TG: variants seen among roughly 807,000 people sequenced by gnomAD.
TG encodes thyroid hormones.
A neutral mutation model predicts 324.7 loss-of-function variants in TG; 270 were observed. That is an observed-to-expected ratio of 0.83 (90% CI 0.75 to 0.92). The LOEUF (loss-of-function observed/expected upper bound fraction) is 0.92. Among genes scored for constraint, TG ranks in the 40% least tolerant of loss-of-function variants. The probability of loss-of-function intolerance (pLI) is 0.00; values close to 1 mark genes in which losing one functional copy is unlikely to be tolerated. For synonymous variants in TG, 1,401 were observed against 1,327.0 expected (o/e 1.06, Z -1.21); for missense variants, 3,591 against 3,456.4 (o/e 1.04, Z -0.98).
chr8:132,885,132 G>GC (rs1815210747), intron 8 of TG, among the ~76,000 whole-genome samples: 1 of 150,384 alleles, frequency 6.6e-6, no homozygotes, highest in Admixed American at 6.6e-5. Flanking sequence ...TAAAAGTTGG[G>GC]GGGGGGGCGT....
At chr8:133,040,482 T>C in intron 41 of TG, 1 of 271,140 alleles carries the variant, frequency 3.7e-6, no homozygotes, top group South Asian at 4.9e-5. Flanking sequence ...ATGAAAGAAA[T>C]GAAGCAACAA....
chr8:133,032,120 T>TG (rs1836697762), intron 41 of TG, among the ~76,000 whole-genome samples: 1 of 152,162 alleles, frequency 6.6e-6, no homozygotes. Context: ...ATAATTATTT[T>TG]GGGGCAGCAA....
At chr8:132,885,287 G>T (rs754274626) in intron 8 of TG, among the ~76,000 whole-genome samples, 3 of 152,106 alleles carry the variant, frequency 2.0e-5, no homozygotes, top group African/African-American at 7.2e-5. Context: ...AGGATGTTCA[G>T]ATAGAATGAC....
chr8:133,125,630 C>T (rs1371083327), intron 45 of TG, among the ~76,000 whole-genome samples: 1 of 152,202 alleles, frequency 6.6e-6, no homozygotes, highest in Non-Finnish European at 1.5e-5. Context: ...GGAGCTGTAG[C>T]CACTTCAGAG....
chr8:132,966,816 C>A, intron 30 of TG, 119 bp downstream of exon 30: 1 of 1,205,182 alleles, frequency 8.3e-7, no homozygotes, highest in Non-Finnish European at 1.2e-6. Flanking sequence ...ACTCATGGAT[C>A]ACTGTGGATG....
chr8:133,054,929 C>G (rs941116065), intron 41 of TG, among the ~76,000 whole-genome samples: 1 of 152,140 alleles, frequency 6.6e-6, no homozygotes, highest in Non-Finnish European at 1.5e-5. Context: ...TCAGTCACTC[C>G]CACTTATAAC....
chr8:132,869,880 T>G, intron 3 of TG, 54 bp downstream of exon 3: 1 of 1,533,478 alleles, frequency 6.5e-7, no homozygotes, highest in Non-Finnish European at 9.0e-7. Context: ...ACAACTCACT[T>G]CCAGGAATGA....
At chr8:132,915,728 T>C (rs185598248) in intron 20 of TG, among the ~76,000 whole-genome samples, 1 of 152,312 alleles carries the variant, frequency 6.6e-6, no homozygotes, top group East Asian at 1.9e-4. Flanking sequence ...TAATAAAACT[T>C]TATTTACCAC....
intron 26 of TG, among the ~76,000 whole-genome samples, chr8:132,946,118 C>A (rs77806107): frequency 0.018 from 2,791 of 152,090 alleles, 84 homozygotes; most frequent in African/African-American, 0.061. Context: ...AACAACATAA[C>A]TCAAATCCAG....
At chr8:132,907,783 G>A (rs940125316) in intron 17 of TG, among the ~76,000 whole-genome samples, 10 of 152,176 alleles carry the variant, frequency 6.6e-5, no homozygotes, top group Non-Finnish European at 1.5e-4. Context: ...ACAGGCTGCT[G>A]TGCATGATTG....
In TG at chr8:133,099,150, C is replaced by G. The variant is rs1848868361; in HGVS notation, c.7572+2777C>G. 2.0e-5 allele frequency among the ~76,000 whole-genome samples: 3 copies of G among 152,232 alleles called. 1 individual carries two copies. In the South Asian group the frequency reaches 6.2e-4, roughly 31 times the overall value. ...AAGCCAGCATTGAAGTTGGGCACCC[C>G]CAAATAGAGAAGCCTCTCTAAGGGC... On this transcript the variant is annotated intron_variant, in intron 43 of 47. Coordinates refer to ENST00000220616, the MANE Select transcript of TG (RefSeq NM_003235.5).
chr8:133,100,508 G>A (rs1314970851), intron 43 of TG, among the ~76,000 whole-genome samples: 1 of 152,194 alleles, frequency 6.6e-6, no homozygotes, highest in East Asian at 1.9e-4. Context: ...AAATTATGAA[G>A]AACTGACTAT....
intron 25 of TG, 53 bp from the exon 26 acceptor site, chr8:132,941,298 C>G: frequency 9.3e-6 from 15 of 1,606,972 alleles, no homozygotes; most frequent in Non-Finnish European, 1.3e-5. Flanking sequence ...AAGCTCTGTC[C>G]AACTCTGCCA....
At chr8:132,882,775 T>C in intron 7 of TG, 39 bp from the exon 8 acceptor site, 1 of 1,613,880 alleles carries the variant, frequency 6.2e-7, no homozygotes, top group Non-Finnish European at 8.5e-7. Context: ...CACCAAGCAT[T>C]GTTGACACTG....
At chr8:133,121,377 C>T (rs1425048158) in intron 45 of TG, among the ~76,000 whole-genome samples, 1 of 152,154 alleles carries the variant, frequency 6.6e-6, no homozygotes, top group Non-Finnish European at 1.5e-5. Context: ...CCCTATGTCA[C>T]AGACTGAGCT....
intron 41 of TG, among the ~76,000 whole-genome samples, chr8:133,033,073 G>A (rs1354401138): frequency 6.6e-6 from 1 of 152,176 alleles, no homozygotes; most frequent in Non-Finnish European, 1.5e-5. Context: ...GTCTCAAGGT[G>A]TAAGATAAAG....
intron 26 of TG, among the ~76,000 whole-genome samples, chr8:132,946,114 A>G (rs1035812962): frequency 6.6e-5 from 10 of 152,132 alleles, no homozygotes; most frequent in Admixed American, 1.3e-4. Context: ...TAGAAACAAC[A>G]TAACTCAAAT....
intron 45 of TG, 52 bp downstream of exon 45, chr8:133,116,768 C>A: frequency 2.7e-6 from 4 of 1,491,982 alleles, no homozygotes; most frequent in Non-Finnish European, 2.8e-6. Flanking sequence ...AATGATAAGT[C>A]CCAGTTCGAT....
At chr8:133,050,952 G>T (rs1189183036) in intron 41 of TG, 28 of 1,263,926 alleles carry the variant, frequency 2.2e-5, no homozygotes, top group Non-Finnish European at 2.8e-5. Flanking sequence ...GGGGCAAGGT[G>T]CTTTTTATTC....
Sources: allele counts gnomAD v4.1 joint callset (sites outside exome capture counted in the v4.1 genomes callset), GRCh38; gene constraint gnomAD v4.1.1; transcripts MANE v1.5; gene names NCBI Gene and HGNC (gene_info 2026-07-23, HGNC 2026-07-21).